The following P3H2 variants were observed in gnomAD, a reference collection of about 807,000 sequenced individuals.
P3H2 encodes prolyl 3-hydroxylase 2.
P3H2 carries 80 observed loss-of-function variants against 87.0 expected under a neutral mutation model. That is an observed-to-expected ratio of 0.92 (90% CI 0.77 to 1.11). P3H2 has a LOEUF of 1.11. Ranked by LOEUF, P3H2 falls within the 50% of genes least tolerant of loss-of-function variation. The probability of loss-of-function intolerance (pLI) is 0.00; values close to 1 mark genes in which losing one functional copy is unlikely to be tolerated. For missense variants in P3H2, 1,001 were observed against 923.9 expected (o/e 1.08, Z -1.08); for synonymous variants, 367 against 359.3 (o/e 1.02, Z -0.24).
intron 14 of P3H2, among the ~76,000 whole-genome samples, chr3:189,961,964 T>C (rs1246389155): frequency 6.6e-6 from 1 of 152,154 alleles, no homozygotes; most frequent in Non-Finnish European, 1.5e-5. Flanking sequence ...TAATTTTATC[T>C]TCACTGTCTA....
chr3:190,120,755 A>T lies in P3H2; in HGVS notation c.-24T>A. 1 of 1,515,632 alleles carries T rather than the reference A, an allele frequency of 6.6e-7. No homozygotes were observed. Among genetic ancestry groups the T allele is most frequent in the Non-Finnish European group, 8.8e-7 (1 of 1,139,206 alleles). 93.9% of individuals were successfully genotyped at this position (1,515,632 alleles called of 1,614,324 possible). On this transcript the variant is annotated 5_prime_UTR_variant, in exon 1 of 15. Transcript: ENST00000319332. Reference sequence around the variant, plus strand: ...ATCCTCCGCCTCAGAGAGGCGCGGGACGGTTACGCTCGAGAGGGCTTCGGG... The same window carrying T: ...ATCCTCCGCCTCAGAGAGGCGCGGGTCGGTTACGCTCGAGAGGGCTTCGGG...
chr3:190,047,032 CAAACA>C (rs1471914018), intron 1 of P3H2, among the ~76,000 whole-genome samples: 5 of 56,696 alleles, frequency 8.8e-5, no homozygotes, highest in South Asian at 1.2e-3. Context: ...AACTCAATAG[CAAACA>C]AAACAAAACA....
rs1393605257 is a variant in P3H2 at position 189,971,931 on chromosome 3, T to C, written c.1776A>G (p.Glu592=). 2.5e-6 allele frequency: 4 copies of C among 1,613,312 alleles called. No homozygotes were observed. The South Asian group carries it at 3.3e-5, about 13-fold the overall frequency. The change falls in exon 12 of 15, where the codon GAA becomes GAG. Residue 592 remains glutamate (E), a synonymous_variant. Coordinates refer to ENST00000319332, the MANE Select transcript of P3H2 (RefSeq NM_018192.4). The part of the protein sequence containing the change: ...DNCLLDPEAN[E]CWKEPPAYTF... The stretch of plus-strand genomic sequence containing the variant: ...TGTAAGCAGGAGGCTCCTTCCAGCA[T>C]TCGTTGGCCTCTGGATCCAACAAAC...
At chr3:190,088,158 T>G (rs144229274) in intron 1 of P3H2, among the ~76,000 whole-genome samples, 18 of 152,302 alleles carry the variant, frequency 1.2e-4, no homozygotes, top group African/African-American at 3.6e-4. Flanking sequence ...ATAAAAAAAT[T>G]TAAAGCCATT....
At chr3:190,007,375 T>C (rs1724420149) in intron 1 of P3H2, among the ~76,000 whole-genome samples, 1 of 152,200 alleles carries the variant, frequency 6.6e-6, no homozygotes, top group Non-Finnish European at 1.5e-5. Flanking sequence ...ATAGTATTTT[T>C]TAGGTGGCTA....
intron 1 of P3H2, among the ~76,000 whole-genome samples, chr3:190,091,488 G>A (rs1727407704): frequency 6.6e-6 from 1 of 152,194 alleles, no homozygotes. Context: ...GAAAGGAAGT[G>A]TTACTACAAT....
intron 13 of P3H2, chr3:189,969,357 G>T: frequency 1.2e-6 from 1 of 831,478 alleles, no homozygotes; most frequent in South Asian, 1.4e-5. Flanking sequence ...CCTCAGTTGT[G>T]ACCATTGTCC....
intron 1 of P3H2, among the ~76,000 whole-genome samples, chr3:190,096,345 A>T (rs1431433366): frequency 6.6e-6 from 1 of 152,122 alleles, no homozygotes; most frequent in African/African-American, 2.4e-5. Context: ...TAGTGAGTGA[A>T]TTCTCACAAG....
At chr3:189,986,083 C>G (rs1404510537) in intron 6 of P3H2, among the ~76,000 whole-genome samples, 1 of 152,118 alleles carries the variant, frequency 6.6e-6, no homozygotes, top group Non-Finnish European at 1.5e-5. Context: ...AGCATTGTGA[C>G]TGATGATATT....
At chr3:189,990,941 G>A (rs1437008403) in intron 3 of P3H2, among the ~76,000 whole-genome samples, 2 of 152,128 alleles carry the variant, frequency 1.3e-5, no homozygotes, top group Non-Finnish European at 2.9e-5. Flanking sequence ...GTGGGAAATC[G>A]TCGGTCCATT....
intron 1 of P3H2, among the ~76,000 whole-genome samples, chr3:190,106,336 T>C (rs942665251): frequency 6.6e-6 from 1 of 152,194 alleles, no homozygotes; most frequent in African/African-American, 2.4e-5. Flanking sequence ...GGTAAGTCTG[T>C]GCTACAGTGC....
intron 1 of P3H2, among the ~76,000 whole-genome samples, chr3:190,067,007 C>CT (rs759812431): frequency 0.08 from 11,622 of 144,684 alleles, 604 homozygotes; most frequent in Middle Eastern, 0.19. Flanking sequence ...TTTTAATTTT[C>CT]TTTCTTTTTT....
intron 1 of P3H2, among the ~76,000 whole-genome samples, chr3:190,042,198 T>C (rs1003100755): frequency 2.0e-5 from 3 of 152,194 alleles, no homozygotes; most frequent in Admixed American, 2.0e-4. Context: ...TAGACATGAA[T>C]AGGAAGTTGA....
chr3:190,000,776 G>A (rs1425863868), intron 1 of P3H2, among the ~76,000 whole-genome samples: 2 of 152,198 alleles, frequency 1.3e-5, no homozygotes, highest in African/African-American at 4.8e-5. Flanking sequence ...GTTAGAGAAG[G>A]ACGGATCATT....
intron 1 of P3H2, among the ~76,000 whole-genome samples, chr3:190,099,401 T>G (rs1027010237): frequency 6.6e-6 from 1 of 152,224 alleles, no homozygotes; most frequent in Non-Finnish European, 1.5e-5. Context: ...GAATTACACT[T>G]GGACAACGGG....
chr3:190,047,658 G>GGTA (rs1368514703), intron 1 of P3H2, among the ~76,000 whole-genome samples: 2 of 152,126 alleles, frequency 1.3e-5, no homozygotes, highest in African/African-American at 4.8e-5. Flanking sequence ...AGTATGTTAA[G>GGTA]GTAAATAAGC....
chr3:190,007,961 C>CAT (rs1454245997), intron 1 of P3H2, among the ~76,000 whole-genome samples: 2 of 25,940 alleles, frequency 7.7e-5, no homozygotes, highest in Non-Finnish European at 1.4e-4. Context: ...TATTTGTTGA[C>CAT]ACACATATAT....
chr3:190,009,270 TGA>T (rs1724491630), intron 1 of P3H2, among the ~76,000 whole-genome samples: 1 of 152,206 alleles, frequency 6.6e-6, no homozygotes, highest in Admixed American at 6.5e-5. Flanking sequence ...GGGGAGAACA[TGA>T]AACTTGTAAA....
intron 1 of P3H2, among the ~76,000 whole-genome samples, chr3:190,054,595 A>C (rs1341817677): frequency 6.6e-6 from 1 of 152,024 alleles, no homozygotes; most frequent in Admixed American, 6.6e-5. Context: ...CACTCCCTCC[A>C]CTACTCCAGG....
Sources: allele counts gnomAD v4.1 joint callset (sites outside exome capture counted in the v4.1 genomes callset), GRCh38; gene constraint gnomAD v4.1.1; transcripts MANE v1.5; gene names NCBI Gene and HGNC (gene_info 2026-07-23, HGNC 2026-07-21).